SCN7A: variants seen among roughly 807,000 people sequenced by gnomAD.
SCN7A encodes sodium voltage-gated channel alpha subunit 7.
Under a neutral mutation model 155.2 loss-of-function variants are expected in SCN7A, and 138 were observed. The observed-to-expected ratio is 0.89, with a 90% confidence interval of 0.77 to 1.02. The LOEUF (loss-of-function observed/expected upper bound fraction) is 1.02. Among genes scored for constraint, SCN7A ranks in the 50% least tolerant of loss-of-function variants. The pLI is 0.00. For missense variants in SCN7A, 2,058 were observed against 1,986.6 expected, an observed-to-expected ratio of 1.04 and a Z score of -0.68; for synonymous variants, 693 against 649.0, an observed-to-expected ratio of 1.07 and a Z score of -1.03.
rs115835523 is a variant in SCN7A at position 166,445,385 on chromosome 2, G to A, written c.1388-385C>T. ...AGGAAGGAAGGAAGAGGGGAGGGAGGGAGGGAGGAAGGTTAAACATTCTCA... is the reference window on the plus strand; with the variant it reads ...AGGAAGGAAGGAAGAGGGGAGGGAGAGAGGGAGGAAGGTTAAACATTCTCA... On this transcript the variant is annotated intron_variant, in intron 12 of 25. Coordinates refer to ENST00000643258, the MANE Select transcript of SCN7A (RefSeq NM_002976.4). Among the ~76,000 whole-genome samples the A allele has an allele frequency of 8.3e-3, 1,239 of 149,958 alleles. 21 individuals carry two copies. Among genetic ancestry groups the A allele is most frequent in the African/African-American group, 0.028 (1,157 of 40,956 alleles).
intron 11 of SCN7A, among the ~76,000 whole-genome samples, chr2:166,452,301 A>G (rs1702190988): frequency 6.6e-6 from 1 of 151,968 alleles, no homozygotes; most frequent in Non-Finnish European, 1.5e-5. Flanking sequence ...TCTGAGAAAA[A>G]AAAGCAATTG....
intron 25 of SCN7A, among the ~76,000 whole-genome samples, chr2:166,407,521 G>C (rs1229160932): frequency 6.6e-6 from 1 of 151,890 alleles, no homozygotes. Flanking sequence ...CTCTGCCTAA[G>C]ATGATATTTC....
chr2:166,412,403 A>G lies in SCN7A; in HGVS notation c.3606+127T>C, dbSNP rs1701221079. The G allele has an allele frequency of 2.8e-6, 3 of 1,079,498 alleles. No homozygotes were observed. In the Admixed American group the frequency reaches 1.4e-4, roughly 49 times the overall value. The allele number at this position is 1,079,498 out of a possible 1,614,324, so 66.9% of individuals were successfully genotyped here. ...GGAACATTAATCATGATTTTTTAAG[A>G]TACATGTCAAATAAAAATGACATTA... On this transcript the variant is annotated intron_variant, in intron 23 of 25. Coordinates refer to ENST00000643258, the MANE Select transcript of SCN7A (RefSeq NM_002976.4).
At chr2:166,451,638 T>A (rs941398337) in intron 11 of SCN7A, among the ~76,000 whole-genome samples, 1 of 152,200 alleles carries the variant, frequency 6.6e-6, no homozygotes, top group African/African-American at 2.4e-5. Context: ...GCTGGCCTTT[T>A]TACTTCTCTG....
chr2:166,456,830 A>G (rs758659020), intron 11 of SCN7A, 40 bp downstream of exon 11: 1 of 762,118 alleles, frequency 1.3e-6, no homozygotes, highest in Admixed American at 2.6e-5. Context: ...ATATATATAT[A>G]GATAGATAGA....
chr2:166,443,619 A>G lies in SCN7A; in HGVS notation c.1684T>C (p.Tyr562His). ...MIFKIIAMHP[Y>H]GYFQVGWNIF... ...TTCCAACCTACTTGGAAATACCCAT[A>G]TGGATGCATTGCAATTATTTTAAAA... Residue 562 changes from tyrosine to histidine, a missense_variant, in exon 14 of 26, where the codon TAT becomes CAT. Physicochemically the swap from Tyr to His is moderately conservative, Grantham distance 83 (BLOSUM62 2). Transcript: ENST00000643258. The G allele has an allele frequency of 6.4e-7, 1 of 1,571,596 alleles. No individual in the cohort carries two copies. Among genetic ancestry groups the G allele is most frequent in the Non-Finnish European group, 8.6e-7 (1 of 1,157,456 alleles).
chr2:166,450,685 T>G (rs1702159070), intron 11 of SCN7A, among the ~76,000 whole-genome samples: 1 of 151,900 alleles, frequency 6.6e-6, no homozygotes, highest in African/African-American at 2.4e-5. Flanking sequence ...TCCCAGCTAC[T>G]CGGGAGGCTG....
At chr2:166,487,347 C>A (rs2105538051) in intron 1 of SCN7A, among the ~76,000 whole-genome samples, 1 of 152,334 alleles carries the variant, frequency 6.6e-6, no homozygotes, top group Admixed American at 6.5e-5. Flanking sequence ...GCTGCATTTT[C>A]TTAGATAATG....
chr2:166,476,487 T>C (rs1702800454), intron 3 of SCN7A, among the ~76,000 whole-genome samples: 1 of 152,040 alleles, frequency 6.6e-6, no homozygotes, highest in Admixed American at 6.6e-5. Context: ...TTGGCATTTT[T>C]AGTCAGTCAG....
chr2:166,420,698 T>C (rs2105388704), intron 20 of SCN7A, among the ~76,000 whole-genome samples: 1 of 152,094 alleles, frequency 6.6e-6, no homozygotes, highest in South Asian at 2.1e-4. Flanking sequence ...AACATGTGAG[T>C]GATGAAGACA....
intron 10 of SCN7A, among the ~76,000 whole-genome samples, chr2:166,460,795 TA>T (rs1702387104): frequency 6.6e-6 from 1 of 152,080 alleles, no homozygotes; most frequent in Admixed American, 6.5e-5. Flanking sequence ...TGTTAAGAAA[TA>T]AATCAGGAGA....
intron 16 of SCN7A, among the ~76,000 whole-genome samples, chr2:166,430,634 GATA>G (rs1701714201): frequency 6.6e-6 from 1 of 151,600 alleles, no homozygotes; most frequent in African/African-American, 2.4e-5. Flanking sequence ...CATTTATTTT[GATA>G]AAAGATTATT....
At chr2:166,455,540 A>C (rs1702255148) in intron 11 of SCN7A, among the ~76,000 whole-genome samples, 1 of 152,082 alleles carries the variant, frequency 6.6e-6, no homozygotes, top group Non-Finnish European at 1.5e-5. Flanking sequence ...CTTGGGGACT[A>C]CTAGAGGGGG....
intron 19 of SCN7A, among the ~76,000 whole-genome samples, chr2:166,421,726 A>G (rs1701515683): frequency 6.6e-6 from 1 of 152,104 alleles, no homozygotes; most frequent in South Asian, 2.1e-4. Context: ...AAATATGGTT[A>G]AGACAATATA....
chr2:166,491,717 G>T (rs962652537), intron 1 of SCN7A, among the ~76,000 whole-genome samples: 3 of 150,744 alleles, frequency 2.0e-5, no homozygotes, highest in Admixed American at 6.6e-5. Flanking sequence ...ATGTGATAAT[G>T]GGTGACTGTG....
intron 11 of SCN7A, among the ~76,000 whole-genome samples, chr2:166,454,687 G>T (rs912057742): frequency 6.6e-6 from 1 of 151,722 alleles, no homozygotes; most frequent in African/African-American, 2.4e-5. Flanking sequence ...TCTATTTTTC[G>T]TTCTCTGGCT....
At chr2:166,419,656 C>T (rs934967148) in intron 20 of SCN7A, among the ~76,000 whole-genome samples, 3 of 152,010 alleles carry the variant, frequency 2.0e-5, no homozygotes, top group African/African-American at 2.4e-5. Context: ...TGTAAGCCAC[C>T]GTGCCTAGGC....
intron 9 of SCN7A, among the ~76,000 whole-genome samples, chr2:166,463,928 T>A (rs1013908239): frequency 1.3e-5 from 2 of 151,968 alleles, no homozygotes; most frequent in African/African-American, 4.8e-5. Flanking sequence ...TGGTGGCACA[T>A]GCCTGTAATC....
At position 166,477,508 on chromosome 2, in the gene SCN7A, T is replaced by G. The variant is rs1702825101; in HGVS notation, c.189A>C (p.Ser63=). ...IYGNLSQGMV[S]EPLEDVDPYY... ...ATGGGTCCACATCTTCCAAGGGCTC[T>G]GACACCATTCCTTGAGAAAGGTTTC... is the stretch of plus-strand genomic sequence containing the variant. The change falls in exon 3 of 26, where the codon TCA becomes TCC. Residue 63 remains serine (S), a synonymous_variant. Coordinates refer to ENST00000643258, the MANE Select transcript of SCN7A (RefSeq NM_002976.4). 1 of 1,555,454 alleles carries G rather than the reference T, an allele frequency of 6.4e-7. No homozygotes were observed. Among genetic ancestry groups the G allele is most frequent in the African/African-American group, 1.4e-5 (1 of 73,372 alleles).
Sources: allele counts gnomAD v4.1 joint callset (sites outside exome capture counted in the v4.1 genomes callset), GRCh38; gene constraint gnomAD v4.1.1; transcripts MANE v1.5; gene names NCBI Gene and HGNC (gene_info 2026-07-23, HGNC 2026-07-21).